NIPA2: variants seen among roughly 807,000 people sequenced by gnomAD.
The protein encoded by NIPA2 is NIPA magnesium transporter 2.
A neutral mutation model predicts 29.7 loss-of-function variants in NIPA2; 11 were observed. The ratio of observed to expected loss-of-function variants is 0.37; its 90% CI spans 0.23 to 0.61. The LOEUF (loss-of-function observed/expected upper bound fraction) is 0.61, where lower values mean the gene tolerates loss of function less well. Among genes scored for constraint, NIPA2 ranks in the 20% least tolerant of loss-of-function variants. The pLI is 0.66. For missense variants in NIPA2, 426 were observed against 437.9 expected (o/e 0.97, Z 0.24); for synonymous variants, 183 against 161.9 (o/e 1.13, Z -0.99).
intron 2 of NIPA2, among the ~76,000 whole-genome samples, chr15:22,840,301 T>G (rs926255984): frequency 2.8e-5 from 4 of 142,248 alleles, no homozygotes; most frequent in African/African-American, 5.3e-5. Flanking sequence ...TTTTTTTTTT[T>G]GTTTTTTTTT....
rs948592071 is a variant in NIPA2 at position 22,866,654 on chromosome 15, A to G, written c.890A>G (p.His297Arg). 12 of 1,613,978 alleles carry G rather than the reference A, an allele frequency of 7.4e-6. No individual in the cohort carries two copies. Among genetic ancestry groups the G allele is most frequent in the African/African-American group, 4.0e-5 (3 of 74,900 alleles). Reference sequence around the variant, plus strand: ...ATCATTGTGGGGATATTCTTGTTGCATGCCTTTAAAGACGTCAGCTTTAGT... The same window carrying G: ...ATCATTGTGGGGATATTCTTGTTGCGTGCCTTTAAAGACGTCAGCTTTAGT... ...FTIIVGIFLL[H>R]AFKDVSFSLA... The change falls in exon 8 of 8, where the codon CAT becomes CGT. Residue 297 changes from histidine to arginine, a missense_variant. His to Arg is a conservative substitution (Grantham distance 29). This residue lies in a region of NIPA2 where 357 missense variants were observed against 339.8 expected (regional missense o/e 1.05). Coordinates refer to ENST00000337451, the MANE Select transcript of NIPA2 (RefSeq NM_030922.7).
intron 5 of NIPA2, among the ~76,000 whole-genome samples, chr15:22,854,240 G>A (rs34105106): frequency 0.14 from 20,622 of 151,714 alleles, 1,682 homozygotes; most frequent in Admixed American, 0.26. Context: ...CGATTCTCCT[G>A]CCTCATCCTC....
At chr15:22,859,175 A>G (rs970897490) in intron 6 of NIPA2, among the ~76,000 whole-genome samples, 1 of 152,148 alleles carries the variant, frequency 6.6e-6, no homozygotes, top group African/African-American at 2.4e-5. Flanking sequence ...CTCTGTCTCA[A>G]AAAATAAATA....
At chr15:22,844,947 A>C (rs547564281) in intron 2 of NIPA2, among the ~76,000 whole-genome samples, 199 bp from the exon 3 acceptor site, 1 of 152,292 alleles carries the variant, frequency 6.6e-6, no homozygotes, top group South Asian at 2.1e-4. Context: ...CTGGCAGATA[A>C]TAGCTGCTCA....
At chr15:22,865,485 C>CAA (rs199693537) in intron 7 of NIPA2, among the ~76,000 whole-genome samples, 3 of 140,670 alleles carry the variant, frequency 2.1e-5, no homozygotes, top group African/African-American at 7.8e-5. Flanking sequence ...GACTCTGTCT[C>CAA]AAAAAAAAAA....
At position 22,867,381 on chromosome 15, in the gene NIPA2, C is replaced by T; in HGVS notation, c.*534C>T. ...AGTTACTGAATGAAGGAACCTCTTT[C>T]TTACAAAACAAAAAAAAGGGCAGAA... On this transcript the variant is annotated 3_prime_UTR_variant, in exon 8 of 8. Coordinates refer to ENST00000337451, the MANE Select transcript of NIPA2 (RefSeq NM_030922.7). The T allele has an allele frequency of 2.6e-6, 1 of 390,424 alleles. No individual in the cohort carries two copies. Among genetic ancestry groups the T allele is most frequent in the Non-Finnish European group, 4.5e-6 (1 of 221,728 alleles). 24.2% of individuals were successfully genotyped at this position (390,424 alleles called of 1,614,324 possible).
At chr15:22,863,664 G>C (rs1243168136) in intron 7 of NIPA2, among the ~76,000 whole-genome samples, 1 of 152,192 alleles carries the variant, frequency 6.6e-6, no homozygotes, top group Non-Finnish European at 1.5e-5. Context: ...TCTGGGTCTT[G>C]TTCCATTCAG....
chr15:22,863,335 C>T (rs10459763), intron 7 of NIPA2, among the ~76,000 whole-genome samples: 8,297 of 152,108 alleles, frequency 0.055, 409 homozygotes, highest in East Asian at 0.28. Flanking sequence ...CCACCTCCCT[C>T]GGCCTCCCAA....
chr15:22,861,861 A>G (rs1369716433), intron 7 of NIPA2, among the ~76,000 whole-genome samples: 2 of 151,930 alleles, frequency 1.3e-5, no homozygotes, highest in African/African-American at 2.4e-5. Context: ...CAGCCTTCCA[A>G]GTAGCTGGGA....
chr15:22,866,125 C>T, intron 7 of NIPA2, 88 bp from the exon 8 acceptor site: 1 of 1,076,662 alleles, frequency 9.3e-7, no homozygotes, highest in Non-Finnish European at 1.3e-6. Context: ...CCTTTTCTCC[C>T]TATCAAGTTT....
chr15:22,862,045 C>CTTTTTT (rs1185312208), intron 7 of NIPA2, among the ~76,000 whole-genome samples: 2 of 25,966 alleles, frequency 7.7e-5, no homozygotes, highest in African/African-American at 1.3e-4. Context: ...CCTGATGGGT[C>CTTTTTT]TCTCTTTTTT....
At chr15:22,849,420 TA>T (rs200614090) in intron 3 of NIPA2, among the ~76,000 whole-genome samples, 3,965 of 152,192 alleles carry the variant, frequency 0.026, 159 homozygotes, top group African/African-American at 0.091. Flanking sequence ...ACAGAGGGAC[TA>T]GGGGTACTTT....
chr15:22,841,782 T>C (rs1459507873), intron 2 of NIPA2, among the ~76,000 whole-genome samples: 2 of 152,116 alleles, frequency 1.3e-5, no homozygotes, highest in African/African-American at 2.4e-5. Context: ...GCTGGGATTA[T>C]AGGCGTGAGC....
intron 5 of NIPA2, among the ~76,000 whole-genome samples, chr15:22,854,298 T>C: frequency 6.6e-6 from 1 of 151,834 alleles, no homozygotes; most frequent in Non-Finnish European, 1.5e-5. Flanking sequence ...AGCTAATTTT[T>C]GTATTTTTAG....
intron 5 of NIPA2, 87 bp from the exon 6 acceptor site, chr15:22,858,453 T>C (rs937747152): frequency 8.7e-6 from 6 of 692,778 alleles, no homozygotes; most frequent in Non-Finnish European, 1.3e-5. Context: ...GTTGAAATAA[T>C]ATATAGATAG....
intron 5 of NIPA2, among the ~76,000 whole-genome samples, chr15:22,856,470 T>C (rs915535699): frequency 2.6e-5 from 4 of 151,950 alleles, no homozygotes; most frequent in African/African-American, 7.3e-5. Flanking sequence ...TAAAAAGATA[T>C]TTGAGACATT....
chr15:22,862,696 C>T (rs2058704977), intron 7 of NIPA2, among the ~76,000 whole-genome samples: 1 of 152,004 alleles, frequency 6.6e-6, no homozygotes, highest in Admixed American at 6.6e-5. Context: ...TGGTGTTTCT[C>T]TTTTGGCTTT....
chr15:22,842,694 T>C (rs1395389529), intron 2 of NIPA2, among the ~76,000 whole-genome samples: 2 of 152,060 alleles, frequency 1.3e-5, no homozygotes, highest in Non-Finnish European at 2.9e-5. Context: ...CTGGGCGTGG[T>C]TGCAGGCACC....
At chr15:22,844,632 G>C (rs1898110874) in intron 2 of NIPA2, among the ~76,000 whole-genome samples, 1 of 151,994 alleles carries the variant, frequency 6.6e-6, no homozygotes, top group Non-Finnish European at 1.5e-5. Flanking sequence ...GTATACGCCT[G>C]TGGTCCTGTT....
Sources: gnomAD v4.1 joint callset for allele counts (sites outside exome capture counted in the v4.1 genomes callset) on GRCh38, gnomAD v4.1.1 for gene constraint, gnomAD v4.1.1 regional missense constraint, MANE v1.5 for transcripts, NCBI Gene and HGNC (gene_info 2026-07-23, HGNC 2026-07-21) for gene names.